KALRN: variants seen among roughly 807,000 people sequenced by gnomAD.
KALRN encodes kalirin.
A neutral mutation model predicts 353.7 loss-of-function variants in KALRN; 70 were observed. The observed-to-expected ratio is 0.20, with a 90% CI of 0.16 to 0.24. The LOEUF is 0.24. KALRN is among the 10% of genes least tolerant of loss of function. KALRN has a pLI of 1.00. For missense variants in KALRN, 2,791 were observed against 3,756.7 expected (o/e 0.74, Z 6.72); for synonymous variants, 1,391 against 1,434.8 (o/e 0.97, Z 0.69).
At chr3:124,073,804 C>T (rs557028022) in intron 1 of KALRN, among the ~76,000 whole-genome samples, 14 of 152,216 alleles carry the variant, frequency 9.2e-5, no homozygotes, top group African/African-American at 2.6e-4. Context: ...GGCCTGGATT[C>T]GAACCTATGG....
At chr3:124,589,894 A>G (rs1205575502) in intron 34 of KALRN, among the ~76,000 whole-genome samples, 2 of 152,164 alleles carry the variant, frequency 1.3e-5, no homozygotes, top group Non-Finnish European at 2.9e-5. Flanking sequence ...ATTTTTTGTC[A>G]GAGTTTGGTG....
intron 1 of KALRN, among the ~76,000 whole-genome samples, chr3:124,058,245 A>T (rs1012361431): frequency 1.3e-5 from 2 of 152,192 alleles, no homozygotes; most frequent in African/African-American, 4.8e-5. Context: ...TCAGCATCCA[A>T]ATTCCCCATA....
intron 1 of KALRN, among the ~76,000 whole-genome samples, chr3:124,215,447 T>C (rs190220532): frequency 1.3e-5 from 2 of 152,304 alleles, no homozygotes; most frequent in East Asian, 3.9e-4. Context: ...CACTCATTCA[T>C]ATATTCAGTA....
intron 36 of KALRN, 198 bp from the exon 37 acceptor site, chr3:124,637,010 C>T: frequency 1.7e-6 from 1 of 580,394 alleles, no homozygotes; most frequent in South Asian, 2.0e-5. Context: ...TTGCTGCTGG[C>T]TAGAATTCCT....
chr3:124,702,895 A>G (rs1194172939), intron 57 of KALRN, among the ~76,000 whole-genome samples: 1 of 152,206 alleles, frequency 6.6e-6, no homozygotes, highest in Non-Finnish European at 1.5e-5. Flanking sequence ...TAACAGAAAA[A>G]TTAAAAATCT....
chr3:124,474,652 T>C lies in KALRN; in HGVS notation c.4032-11T>C, dbSNP rs113857739. Reference sequence around the variant, plus strand: ...AGAGGTGTCTGATTCAGTCTTTTTCTCCTCTTGCAGCATCTTCCTCAAAGA... The same window carrying C: ...AGAGGTGTCTGATTCAGTCTTTTTCCCCTCTTGCAGCATCTTCCTCAAAGA... On this transcript the variant is annotated splice_polypyrimidine_tract_variant and intron_variant, in intron 25 of 59. Transcript: ENST00000682506. 8.7e-6 allele frequency: 14 copies of C among 1,612,956 alleles called. 1 individual carries two copies. The African/African-American group carries it at 1.6e-4, about 18-fold the overall frequency.
At chr3:124,370,059 T>TA (rs1331084789) in intron 10 of KALRN, among the ~76,000 whole-genome samples, 2 of 151,966 alleles carry the variant, frequency 1.3e-5, no homozygotes, top group Admixed American at 6.6e-5. Context: ...GAATTAAAAA[T>TA]AAAAAAATAT....
chr3:124,662,682 G>A (rs1476637561), intron 45 of KALRN, among the ~76,000 whole-genome samples: 2 of 152,194 alleles, frequency 1.3e-5, no homozygotes, highest in African/African-American at 2.4e-5. Context: ...AAATGGCTGT[G>A]TCCCAAAGAT....
chr3:124,479,341 AG>A (rs1407196300), intron 27 of KALRN, among the ~76,000 whole-genome samples: 5 of 152,228 alleles, frequency 3.3e-5, no homozygotes, highest in Admixed American at 2.0e-4. Flanking sequence ...GAGTTCTTAA[AG>A]TCTGCCCTGG....
At chr3:124,214,013 A>G (rs559690076) in intron 1 of KALRN, among the ~76,000 whole-genome samples, 126 of 152,312 alleles carry the variant, frequency 8.3e-4, no homozygotes, top group South Asian at 7.9e-3. Context: ...TCAATATACA[A>G]AAGAGGGAAT....
intron 9 of KALRN, among the ~76,000 whole-genome samples, chr3:124,340,588 G>C (rs1366272169): frequency 2.0e-5 from 3 of 152,184 alleles, no homozygotes; most frequent in African/African-American, 7.2e-5. Context: ...CTTAAGACCA[G>C]AGTGGTTTCC....
intron 11 of KALRN, among the ~76,000 whole-genome samples, chr3:124,386,927 C>G (rs906701850): frequency 6.6e-6 from 1 of 152,194 alleles, no homozygotes; most frequent in African/African-American, 2.4e-5. Flanking sequence ...AATGAGGAGA[C>G]TAAGCCTCAG....
At chr3:124,036,242 G>T (rs2039407185) in intron 1 of KALRN, among the ~76,000 whole-genome samples, 1 of 152,016 alleles carries the variant, frequency 6.6e-6, no homozygotes. Flanking sequence ...GTAGGCTCCG[G>T]TGTTTGTTAT....
intron 33 of KALRN, among the ~76,000 whole-genome samples, chr3:124,562,317 C>T (rs1040938220): frequency 1.3e-5 from 2 of 152,150 alleles, no homozygotes; most frequent in Non-Finnish European, 2.9e-5. Context: ...GGAAGGAAGG[C>T]TGTCTCTTCC....
chr3:124,410,895 A>G (rs2092092968), intron 13 of KALRN, among the ~76,000 whole-genome samples: 3 of 152,248 alleles, frequency 2.0e-5, no homozygotes, highest in African/African-American at 7.2e-5. Flanking sequence ...GACTTCTATA[A>G]GAACTTTCAC....
intron 34 of KALRN, among the ~76,000 whole-genome samples, chr3:124,612,245 C>T (rs2078073178): frequency 6.6e-6 from 1 of 150,684 alleles, no homozygotes; most frequent in African/African-American, 2.4e-5. Context: ...CTCTTATTAC[C>T]CAGGCTGGAG....
intron 34 of KALRN, among the ~76,000 whole-genome samples, chr3:124,602,862 A>G (rs576309161): frequency 6.6e-6 from 1 of 152,338 alleles, no homozygotes; most frequent in Non-Finnish European, 1.5e-5. Context: ...TGATTCTCCC[A>G]AGAGTACTTA....
intron 6 of KALRN, among the ~76,000 whole-genome samples, chr3:124,320,699 A>G (rs2079241141): frequency 6.6e-6 from 1 of 152,200 alleles, no homozygotes; most frequent in Admixed American, 6.5e-5. Context: ...CTCCAACTTA[A>G]GGTATGGAAG....
chr3:124,441,941 G>A lies in KALRN; in HGVS notation c.3199-4G>A, dbSNP rs781548791. The A allele has an allele frequency of 2.1e-5, 33 of 1,549,284 alleles. No individual in the cohort carries two copies. The East Asian group carries it at 4.8e-4, about 22-fold the overall frequency. On this transcript the variant is annotated splice_polypyrimidine_tract_variant and splice_region_variant and intron_variant, in intron 18 of 59. Coordinates refer to ENST00000682506, the MANE Select transcript of KALRN (RefSeq NM_001388419.1). ...CAGGGGCCTCACAGCTTTGTCTTTC[G>A]CAGGCCTGCACCCTGGCTCGGCGGA... is the stretch of plus-strand genomic sequence containing the variant.
Sources: allele counts gnomAD v4.1 joint callset (sites outside exome capture counted in the v4.1 genomes callset), GRCh38; gene constraint gnomAD v4.1.1; transcripts MANE v1.5; gene names NCBI Gene and HGNC (gene_info 2026-07-23, HGNC 2026-07-21).